Variants in CASP6 observed in about 807,000 individuals in gnomAD.
CASP6 encodes the protein caspase-6.
In CASP6, 20 loss-of-function variants were observed where a neutral mutation model predicts 31.8. The observed-to-expected ratio is 0.63, with a 90% CI of 0.44 to 0.91. The LOEUF is 0.91. Among genes scored for constraint, CASP6 ranks in the 40% least tolerant of loss-of-function variants. The pLI is 0.00. For missense variants in CASP6, 328 were observed against 361.1 expected (o/e 0.91, Z 0.74); for synonymous variants, 130 against 127.8 (o/e 1.02, Z -0.12).
downstream of CASP6, chr4:109,687,477 T>A (rs1262665927): frequency 7.0e-7 from 1 of 1,428,906 alleles, no homozygotes; most frequent in East Asian, 2.3e-5. Flanking sequence ...ATGTTTCTCT[T>A]CTTTCTGATC....
At chr4:109,703,573 G>C, upstream of CASP6, 1 of 737,222 alleles carries the variant, frequency 1.4e-6, no homozygotes, top group Non-Finnish European at 2.1e-6. Context: ...GTCCTTCCCA[G>C]AGTTAAAGCT....
chr4:109,675,431 T>C, the CASP6 span, among the ~76,000 whole-genome samples: 1 of 152,240 alleles, frequency 6.6e-6, no homozygotes, highest in Non-Finnish European at 1.5e-5. Context: ...CTAAGAGAGT[T>C]GAACCAACAT....
intron 5 of CASP6, 58 bp from the exon 6 acceptor site, chr4:109,691,067 A>AAG: frequency 6.5e-7 from 1 of 1,545,898 alleles, no homozygotes; most frequent in Non-Finnish European, 8.7e-7. Flanking sequence ...CCCAGTGCTT[A>AAG]ATGTGTGCAG....
the CASP6 span, among the ~76,000 whole-genome samples, chr4:109,671,672 C>T: frequency 1.3e-5 from 2 of 152,162 alleles, no homozygotes; most frequent in Non-Finnish European, 2.9e-5. Flanking sequence ...AGTTGCTTTA[C>T]TATCCTACTC....
chr4:109,671,925 C>T, the CASP6 span, among the ~76,000 whole-genome samples: 2 of 152,056 alleles, frequency 1.3e-5, no homozygotes, highest in Non-Finnish European at 1.5e-5. Flanking sequence ...AGAGGCTTTC[C>T]TCTAGTGTCC....
chr4:109,677,651 G>A, the CASP6 span, among the ~76,000 whole-genome samples: 1 of 152,030 alleles, frequency 6.6e-6, no homozygotes, highest in African/African-American at 2.4e-5. Flanking sequence ...CTTAATAAAG[G>A]ACAAGTTCAG....
intron 3 of CASP6, among the ~76,000 whole-genome samples, chr4:109,696,915 A>T (rs1273123087): frequency 1.3e-5 from 2 of 151,220 alleles, no homozygotes; most frequent in African/African-American, 4.9e-5. Flanking sequence ...CCTCCCGAGT[A>T]GCTGGGACTA....
chr4:109,699,513 CTCTG>C (rs1730353817), intron 1 of CASP6, among the ~76,000 whole-genome samples: 1 of 152,234 alleles, frequency 6.6e-6, no homozygotes, highest in African/African-American at 2.4e-5. Context: ...CTAAGGCATC[CTCTG>C]TCTGTACGCC....
chr4:109,702,508 G>C (rs1044513226), intron 1 of CASP6, among the ~76,000 whole-genome samples: 1 of 151,858 alleles, frequency 6.6e-6, no homozygotes, highest in Non-Finnish European at 1.5e-5. Flanking sequence ...GTAGAGACGG[G>C]GTTTCACCGT....
chr4:109,689,460 A>AGT lies in CASP6; in HGVS notation c.750_751dup (p.Leu251HisfsTer3). On this transcript the variant is annotated frameshift_variant, in exon 7 of 7. Transcript: ENST00000265164. LOFTEE classifies it high-confidence loss of function. ...GCGCTGAGAAACTTTCCTGTTCACC[A>AGT]GTGTGAGGAGTTCTGTGAACTCTAA... is the stretch of plus-strand genomic sequence containing the variant. 5.6e-6 allele frequency: 9 copies of AGT among 1,614,224 alleles called. No individual in the cohort carries two copies. Among genetic ancestry groups the AGT allele is most frequent in the Non-Finnish European group, 7.6e-6 (9 of 1,180,036 alleles).
At chr4:109,687,672 A>C, downstream of CASP6, 1 of 814,960 alleles carries the variant, frequency 1.2e-6, no homozygotes. Context: ...CCCATGGTTC[A>C]TTTTGATTGT....
chr4:109,666,552 T>TG, the CASP6 span, among the ~76,000 whole-genome samples: 36,084 of 152,128 alleles, frequency 0.24, 4,507 homozygotes, highest in South Asian at 0.27. Flanking sequence ...TGTATGATGA[T>TG]GAGCATCTCT....
At position 109,697,625 on chromosome 4, in the gene CASP6, C is replaced by T. The variant is rs377499378; in HGVS notation, c.227G>A (p.Arg76His). ...GATAGGTAGATAAAACTACTACCTG[C>T]GGGTAAGATTGTCTCTATCTGCGCA... The part of the protein sequence containing the change: ...GTCADRDNLT[R>H]RFSDLGFEVK... The change falls in exon 3 of 7, where the codon CGC (arginine) becomes CAC (histidine). Residue 76 changes from arginine to histidine, a missense_variant. Physicochemically the swap from Arg to His is conservative, Grantham distance 29. Transcript: ENST00000265164. 1.8e-5 allele frequency: 29 copies of T among 1,601,210 alleles called. No individual in the cohort carries two copies. The highest frequency in any genetic ancestry group is 1.7e-4 in the Middle Eastern group (1 of 5,998).
chr4:109,709,168 A>C, the CASP6 span, among the ~76,000 whole-genome samples: 1 of 152,212 alleles, frequency 6.6e-6, no homozygotes, highest in African/African-American at 2.4e-5. Flanking sequence ...CTACTTCCCA[A>C]GCTGTGGTCT....
chr4:109,686,964 G>A (rs1175868550), downstream of CASP6, among the ~76,000 whole-genome samples: 1 of 148,490 alleles, frequency 6.7e-6, no homozygotes, highest in Non-Finnish European at 1.5e-5. Context: ...TAGGTTAAGG[G>A]TTTTTTTTTT....
rs1730177228 is a variant in CASP6 at position 109,694,577 on chromosome 4, T to C, written c.431A>G (p.Lys144Arg). The part of the protein sequence containing the change: ...IEIQTLTGLF[K>R]GDKCHSLVGK... ...AACCAGGCTGTGACACTTGTCTCCT[T>C]TGAACAAGCCAGTTAATGTCTGAAT... Residue 144 changes from lysine (K) to arginine (R), a missense_variant, in exon 5 of 7, where the codon AAA (lysine) becomes AGA (arginine). Transcript: ENST00000265164. 2 of 1,611,492 alleles carry C rather than the reference T, an allele frequency of 1.2e-6. No homozygotes were observed. The highest frequency in any genetic ancestry group is 1.3e-5 in the African/African-American group (1 of 74,858).
At chr4:109,687,017 A>AT (rs200539952), downstream of CASP6, among the ~76,000 whole-genome samples, 487 of 151,050 alleles carry the variant, frequency 3.2e-3, 1 homozygote, top group Non-Finnish European at 3.4e-3. Flanking sequence ...TATAAACTGT[A>AT]TTTTTTTTTA....
At chr4:109,693,757 T>C (rs1328725524) in intron 5 of CASP6, among the ~76,000 whole-genome samples, 2 of 150,662 alleles carry the variant, frequency 1.3e-5, no homozygotes, top group African/African-American at 4.9e-5. Context: ...TTTTTTTTTT[T>C]AGACAGAGTC....
chr4:109,703,014 G>A (rs1730471450), intron 1 of CASP6, among the ~76,000 whole-genome samples: 1 of 152,100 alleles, frequency 6.6e-6, no homozygotes, highest in Non-Finnish European at 1.5e-5. Flanking sequence ...GCCCGCGTGG[G>A]GACAGCCTTT....
Sources: gnomAD v4.1 joint callset for allele counts (sites outside exome capture counted in the v4.1 genomes callset) on GRCh38, gnomAD v4.1.1 for gene constraint, MANE v1.5 for transcripts, NCBI Gene and HGNC (gene_info 2026-07-23, HGNC 2026-07-21) for gene names.